CFAP210: variants seen among roughly 807,000 people sequenced by gnomAD.
The protein encoded by CFAP210 is cilia and flagella associated protein 210, also known as cilia- and flagella- associated protein 210.
chr2:169,649,752 A>G, the CFAP210 span, among the ~76,000 whole-genome samples: 1 of 151,998 alleles, frequency 6.6e-6, no homozygotes, highest in Non-Finnish European at 1.5e-5. Flanking sequence ...ACCAACATGG[A>G]GAAACGCTGT....
the CFAP210 span, among the ~76,000 whole-genome samples, chr2:169,692,079 C>T: frequency 7.7e-4 from 117 of 152,296 alleles, 1 homozygote; most frequent in Admixed American, 2.5e-3. Flanking sequence ...GAGGCATTTG[C>T]AGGTCTTTCC....
At chr2:169,674,613 T>C in the CFAP210 span, 1 of 1,609,216 alleles carries the variant, frequency 6.2e-7, no homozygotes, top group Admixed American at 1.7e-5. Flanking sequence ...ACCCTTTCTC[T>C]GTGTCGTTTT....
the CFAP210 span, among the ~76,000 whole-genome samples, chr2:169,655,481 T>C: frequency 6.6e-6 from 1 of 152,244 alleles, no homozygotes; most frequent in African/African-American, 2.4e-5. Flanking sequence ...GTCAATATGA[T>C]CAATATGAAA....
the CFAP210 span, among the ~76,000 whole-genome samples, chr2:169,656,597 T>C: frequency 6.6e-6 from 1 of 152,042 alleles, no homozygotes; most frequent in Non-Finnish European, 1.5e-5. Context: ...AATGTGGAGA[T>C]GAGGGCTAAA....
At chr2:169,680,894 T>C in the CFAP210 span, 1 of 788,434 alleles carries the variant, frequency 1.3e-6, no homozygotes, top group Non-Finnish European at 2.1e-6. Context: ...TATGTTTCGA[T>C]GCATTTTTAT....
chr2:169,645,919 G>T, the CFAP210 span: 1 of 1,613,888 alleles, frequency 6.2e-7, no homozygotes. Flanking sequence ...AAGGGAGCTG[G>T]ACTCCAGTAA....
At chr2:169,663,264 CCTCT>C in the CFAP210 span, among the ~76,000 whole-genome samples, 38 of 144,982 alleles carry the variant, frequency 2.6e-4, no homozygotes, top group Admixed American at 2.3e-3. Context: ...CTCTATCTGC[CCTCT>C]CTCTCTTTTT....
At chr2:169,667,587 T>A in the CFAP210 span, among the ~76,000 whole-genome samples, 13 of 152,274 alleles carry the variant, frequency 8.5e-5, no homozygotes, top group South Asian at 2.7e-3. Context: ...AAAGTCTAAA[T>A]TACTCCTTGA....
At chr2:169,654,234 A>G in the CFAP210 span, 3 of 1,536,916 alleles carry the variant, frequency 2.0e-6, no homozygotes, top group Non-Finnish European at 2.6e-6. Flanking sequence ...AAAATTGTAT[A>G]TATTAACTTA....
the CFAP210 span, among the ~76,000 whole-genome samples, chr2:169,647,513 A>T: frequency 2.0e-5 from 3 of 152,166 alleles, no homozygotes; most frequent in East Asian, 3.8e-4. Context: ...ATAGCTAATT[A>T]ACTGTCTGAA....
the CFAP210 span, among the ~76,000 whole-genome samples, chr2:169,664,769 C>A: frequency 6.6e-6 from 1 of 152,216 alleles, no homozygotes; most frequent in Non-Finnish European, 1.5e-5. Context: ...ACCAGGCAAT[C>A]AGAGTTGAAT....
chr2:169,674,627 G>A, the CFAP210 span: 1 of 1,607,952 alleles, frequency 6.2e-7, no homozygotes, highest in Non-Finnish European at 8.5e-7. Flanking sequence ...TCGTTTTTCT[G>A]CTTTTTCTTG....
the CFAP210 span, among the ~76,000 whole-genome samples, chr2:169,676,671 AAAAG>A: frequency 2.3e-4 from 35 of 152,298 alleles, no homozygotes; most frequent in East Asian, 1.5e-3. Context: ...CCTCTTTGAG[AAAAG>A]AAAGAATTAA....
chr2:169,679,324 C>T, the CFAP210 span, among the ~76,000 whole-genome samples: 1 of 152,148 alleles, frequency 6.6e-6, no homozygotes, highest in East Asian at 1.9e-4. Flanking sequence ...AATTTTGTCA[C>T]CCAGGTAATC....
chr2:169,692,756 A>C, the CFAP210 span, among the ~76,000 whole-genome samples: 1 of 152,212 alleles, frequency 6.6e-6, no homozygotes, highest in Non-Finnish European at 1.5e-5. Flanking sequence ...CTCATGAGTG[A>C]GATTTTCCAA....
At chr2:169,652,378 T>C in the CFAP210 span, among the ~76,000 whole-genome samples, 1 of 152,212 alleles carries the variant, frequency 6.6e-6, no homozygotes, top group Non-Finnish European at 1.5e-5. Flanking sequence ...TTTAAACAGT[T>C]TTATTGATTG....
At chr2:169,674,575 C>A in the CFAP210 span, 43 of 1,586,104 alleles carry the variant, frequency 2.7e-5, no homozygotes, top group Non-Finnish European at 3.4e-6. Context: ...TGTATACATA[C>A]TGTTTTAGAT....
At chr2:169,678,962 G>T in the CFAP210 span, among the ~76,000 whole-genome samples, 17 of 152,310 alleles carry the variant, frequency 1.1e-4, no homozygotes, top group Non-Finnish European at 1.9e-4. Flanking sequence ...TCAAGACAGT[G>T]TATTATTGGA....
the CFAP210 span, among the ~76,000 whole-genome samples, chr2:169,649,811 A>G: frequency 6.6e-6 from 1 of 152,030 alleles, no homozygotes; most frequent in Non-Finnish European, 1.5e-5. Flanking sequence ...CATGCCTGTA[A>G]TCTCAGCTAC....
Sources: gnomAD v4.1 joint callset for allele counts (sites outside exome capture counted in the v4.1 genomes callset) on GRCh38, gnomAD v4.1.1 for gene constraint, MANE v1.5 for transcripts, NCBI Gene and HGNC (gene_info 2026-07-23, HGNC 2026-07-21) for gene names.